The following EPB41L3 variants were observed in gnomAD, a reference collection of about 807,000 sequenced individuals.
The protein encoded by EPB41L3 is erythrocyte membrane protein band 4.1 like 3, also known as band 4.1-like protein 3.
A neutral mutation model predicts 127.1 loss-of-function variants in EPB41L3; 57 were observed. The ratio of observed to expected loss-of-function variants is 0.45; its 90% CI spans 0.36 to 0.56. The LOEUF is 0.56. EPB41L3 is among the 20% of genes least tolerant of loss of function. EPB41L3 has a pLI of 0.00. For missense variants in EPB41L3, 1,273 were observed against 1,372.2 expected, an observed-to-expected ratio of 0.93 and a Z score of 1.14; for synonymous variants, 572 against 549.5, an observed-to-expected ratio of 1.04 and a Z score of -0.57.
At chr18:5,565,453 CTT>C (rs1195826918) in intron 3 of EPB41L3, among the ~76,000 whole-genome samples, 4 of 141,834 alleles carry the variant, frequency 2.8e-5, no homozygotes, top group Admixed American at 7.1e-5. Flanking sequence ...CTTCTCTTTT[CTT>C]TTTTTTTTTT....
intron 3 of EPB41L3, among the ~76,000 whole-genome samples, chr18:5,598,634 G>T (rs549017017): frequency 2.1e-4 from 32 of 152,252 alleles, no homozygotes; most frequent in Middle Eastern, 3.4e-3. Context: ...TACAGTATTA[G>T]AATTCAACAT....
intron 3 of EPB41L3, among the ~76,000 whole-genome samples, chr18:5,559,267 C>A (rs1719958): frequency 0.17 from 25,593 of 152,114 alleles, 2,472 homozygotes; most frequent in African/African-American, 0.26. Context: ...TAAAAGCCCT[C>A]TTTACAAATA....
chr18:5,409,374 A>ACTAC (rs1421517101), intron 14 of EPB41L3, among the ~76,000 whole-genome samples: 1 of 152,208 alleles, frequency 6.6e-6, no homozygotes, highest in Non-Finnish European at 1.5e-5. Context: ...TACTGGATGT[A>ACTAC]CTACCCTGTG....
At chr18:5,527,160 C>A (rs1052478289) in intron 1 of EPB41L3, among the ~76,000 whole-genome samples, 10 of 151,970 alleles carry the variant, frequency 6.6e-5, no homozygotes, top group African/African-American at 2.4e-5. Flanking sequence ...CATAAAGAAT[C>A]CCAAGTCCAA....
At chr18:5,485,141 AT>A (rs2089507159) in intron 2 of EPB41L3, among the ~76,000 whole-genome samples, 1 of 152,004 alleles carries the variant, frequency 6.6e-6, no homozygotes, top group Admixed American at 6.6e-5. Context: ...GACTGAAAAG[AT>A]CATTCACCAT....
At chr18:5,567,377 A>G (rs1310559224) in intron 3 of EPB41L3, 3 of 152,238 alleles carry the variant, frequency 2.0e-5, no homozygotes, top group Non-Finnish European at 4.4e-5. Context: ...ACTGATTAAC[A>G]AATTGTTAGC....
intron 3 of EPB41L3, among the ~76,000 whole-genome samples, chr18:5,587,265 G>A (rs757833911): frequency 6.6e-6 from 1 of 152,076 alleles, no homozygotes. Flanking sequence ...TAAAAGTTTA[G>A]CTTTTGCACG....
chr18:5,550,875 G>A (rs1428509664), intron 3 of EPB41L3, among the ~76,000 whole-genome samples: 1 of 152,078 alleles, frequency 6.6e-6, no homozygotes, highest in East Asian at 1.9e-4. Context: ...TCAATTATAG[G>A]TTGAGATTAA....
intron 1 of EPB41L3, among the ~76,000 whole-genome samples, chr18:5,509,615 C>CA (rs2092415283): frequency 6.6e-6 from 1 of 152,204 alleles, no homozygotes; most frequent in Non-Finnish European, 1.5e-5. Flanking sequence ...ACCGTGAAAT[C>CA]AGAGTCAAAT....
At chr18:5,510,168 T>A (rs767578000) in intron 1 of EPB41L3, among the ~76,000 whole-genome samples, 14 of 152,236 alleles carry the variant, frequency 9.2e-5, no homozygotes, top group Non-Finnish European at 2.1e-4. Context: ...AACACCTGCA[T>A]CTGAAGGATT....
intron 1 of EPB41L3, among the ~76,000 whole-genome samples, chr18:5,504,103 A>G (rs1435780353): frequency 1.3e-5 from 2 of 152,180 alleles, no homozygotes; most frequent in Admixed American, 6.5e-5. Flanking sequence ...AGAAGCCTGC[A>G]CAGGAAAGGG....
chr18:5,440,683 A>T (rs1476710069), intron 5 of EPB41L3, among the ~76,000 whole-genome samples: 1 of 152,248 alleles, frequency 6.6e-6, no homozygotes, highest in African/African-American at 2.4e-5. Context: ...TTAGTCTTTT[A>T]TGCCAGACAA....
At chr18:5,583,179 T>C (rs142536494) in intron 3 of EPB41L3, among the ~76,000 whole-genome samples, 3 of 152,202 alleles carry the variant, frequency 2.0e-5, no homozygotes, top group African/African-American at 7.2e-5. Context: ...ACAACTGTCA[T>C]AGAACACAGT....
chr18:5,568,907 G>C (rs1256425187), intron 3 of EPB41L3, among the ~76,000 whole-genome samples: 1 of 152,192 alleles, frequency 6.6e-6, no homozygotes, highest in Non-Finnish European at 1.5e-5. Flanking sequence ...TGAATAATTA[G>C]GGAAGGAAAC....
At chr18:5,409,508 A>G (rs1241414758) in intron 14 of EPB41L3, among the ~76,000 whole-genome samples, 2 of 152,174 alleles carry the variant, frequency 1.3e-5, no homozygotes, top group East Asian at 1.9e-4. Context: ...AGTTTTAACA[A>G]TATCATCTTT....
chr18:5,484,086 CAAA>C (rs57231548), intron 2 of EPB41L3, among the ~76,000 whole-genome samples: 10 of 18,274 alleles, frequency 5.5e-4, no homozygotes, highest in Non-Finnish European at 7.9e-4. Flanking sequence ...CAAACAAACT[CAAA>C]AAAAAAAAAA....
chr18:5,419,771 C>T lies in EPB41L3; in HGVS notation c.1446G>A (p.Glu482=). The part of the protein sequence containing the change: ...KKAEEERDEE[E]DKRRKGEEVT... ...CTTCTTCCCCCTTCCTCCGTTTGTC[C>T]TCTTCCTCGTCCCGCTCCTCCTCAG... The change falls in exon 12 of 23, where the codon GAG becomes GAA. Residue 482 remains glutamate (E), a synonymous_variant. Coordinates refer to ENST00000341928, the MANE Select transcript of EPB41L3 (RefSeq NM_012307.5). The T allele has an allele frequency of 6.2e-7, 1 of 1,614,204 alleles. No homozygotes were observed. The highest frequency in any genetic ancestry group is 8.5e-7 in the Non-Finnish European group (1 of 1,180,040).
At chr18:5,449,278 G>A (rs771959978) in intron 3 of EPB41L3, among the ~76,000 whole-genome samples, 22 of 151,930 alleles carry the variant, frequency 1.4e-4, no homozygotes, top group Non-Finnish European at 2.6e-4. Flanking sequence ...AAACAACAGC[G>A]AGATACCTCC....
chr18:5,440,060 A>G (rs953046174), intron 5 of EPB41L3, among the ~76,000 whole-genome samples: 23 of 152,210 alleles, frequency 1.5e-4, no homozygotes, highest in African/African-American at 5.3e-4. Flanking sequence ...GTTTCAACCT[A>G]TAGTGAGCCG....
Sources: gnomAD v4.1 joint callset for allele counts (sites outside exome capture counted in the v4.1 genomes callset) on GRCh38, gnomAD v4.1.1 for gene constraint, MANE v1.5 for transcripts, NCBI Gene and HGNC (gene_info 2026-07-23, HGNC 2026-07-21) for gene names.